Variants in CDC25C observed in about 807,000 individuals in gnomAD.
CDC25C encodes the protein M-phase inducer phosphatase 3.
CDC25C carries 48 observed loss-of-function variants against 52.5 expected under a neutral mutation model. The ratio of observed to expected loss-of-function variants is 0.91; its 90% confidence interval spans 0.72 to 1.16. The LOEUF (loss-of-function observed/expected upper bound fraction) is 1.16. Ranked by LOEUF, CDC25C falls within the 50% of genes most tolerant of loss-of-function variation. CDC25C has a pLI of 0.00. For synonymous variants in CDC25C, 187 were observed against 206.5 expected (o/e 0.91, Z 0.81); for missense variants, 510 against 566.1 (o/e 0.90, Z 1.01).
intron 7 of CDC25C, among the ~76,000 whole-genome samples, chr5:138,298,217 T>C (rs1757359464): frequency 6.6e-6 from 1 of 151,278 alleles, no homozygotes; most frequent in Non-Finnish European, 1.5e-5. Context: ...CCCAGGCTGG[T>C]TGTGAACTCC....
chr5:138,291,898 C>A, intron 8 of CDC25C, 72 bp downstream of exon 8: 2 of 1,297,814 alleles, frequency 1.5e-6, no homozygotes, highest in South Asian at 1.5e-5. Context: ...CATAATAAAA[C>A]AATCCTCATA....
In CDC25C at chr5:138,331,663, G is replaced by A; in HGVS notation, c.-107C>T. The A allele has an allele frequency of 1.0e-6, 1 of 995,454 alleles. No homozygotes were observed. Among genetic ancestry groups the A allele is most frequent in the Non-Finnish European group, 1.2e-6 (1 of 835,208 alleles). The allele number at this position is 995,454 out of a possible 1,614,324, so 61.7% of individuals were successfully genotyped here. ...TAGATAGGGATCGGACACAGGCGAA[G>A]ACTTGAGCAGAATGAAAGGAAATCT... On this transcript the variant is annotated 5_prime_UTR_variant, in exon 1 of 14. Coordinates refer to ENST00000323760, the MANE Select transcript of CDC25C (RefSeq NM_001790.5).
upstream of CDC25C, among the ~76,000 whole-genome samples, chr5:138,335,902 T>TA (rs780820026): frequency 2.0e-5 from 3 of 151,796 alleles, no homozygotes; most frequent in Admixed American, 2.0e-4. Context: ...TAATTAATAA[T>TA]AAAAAGGTGA....
chr5:138,287,799 T>G (rs1028738599), intron 10 of CDC25C, among the ~76,000 whole-genome samples: 26 of 152,306 alleles, frequency 1.7e-4, no homozygotes, highest in African/African-American at 5.3e-4. Flanking sequence ...GTAATCACAC[T>G]TTGACTCAGC....
upstream of CDC25C, among the ~76,000 whole-genome samples, chr5:138,336,276 A>C (rs1460064465): frequency 6.6e-6 from 1 of 151,814 alleles, no homozygotes; most frequent in African/African-American, 2.4e-5. Context: ...GGGATTACAG[A>C]TGGGCGCCAC....
intron 6 of CDC25C, among the ~76,000 whole-genome samples, chr5:138,321,696 G>A (rs1223145714): frequency 1.5e-5 from 2 of 131,658 alleles, no homozygotes; most frequent in South Asian, 2.5e-4. Flanking sequence ...AGGTTGCAGT[G>A]AGCTGAGATC....
chr5:138,338,232 C>T (rs1480252895), exon 1 of CDC25C: 1 of 1,222,380 alleles, frequency 8.2e-7, no homozygotes, highest in East Asian at 5.7e-5. Context: ...GCGCCAGCGC[C>T]TTTTAAGGGC....
chr5:138,315,167 C>T (rs770346235), intron 7 of CDC25C, among the ~76,000 whole-genome samples: 13 of 152,020 alleles, frequency 8.6e-5, no homozygotes, highest in East Asian at 3.9e-4. Context: ...CTCCTGACCA[C>T]CCGCTTCGGC....
Position 138,313,118 on chromosome 5 carries a change from G to A in CDC25C, c.615+6101C>T, listed in dbSNP as rs144687090. On this transcript the variant is annotated intron_variant, in intron 7 of 13. Coordinates refer to ENST00000323760, the MANE Select transcript of CDC25C (RefSeq NM_001790.5). ...GGGGGCCAGGTGCAGTGGCTCACCT[G>A]TAATCTCAGCACTTTGGGAGGCTGA... is the stretch of plus-strand genomic sequence containing the variant. 2.2e-4 allele frequency among the ~76,000 whole-genome samples: 34 copies of A among 152,114 alleles called. No individual in the cohort carries two copies. The East Asian group carries it at 5.8e-3, about 26-fold the overall frequency.
intron 7 of CDC25C, among the ~76,000 whole-genome samples, chr5:138,312,874 A>T (rs1758556098): frequency 6.6e-6 from 1 of 152,122 alleles, no homozygotes; most frequent in South Asian, 2.1e-4. Context: ...GATTTTTTTT[A>T]AAGAGAATGA....
chr5:138,336,272 A>C (rs1760698391), upstream of CDC25C, among the ~76,000 whole-genome samples: 1 of 151,960 alleles, frequency 6.6e-6, no homozygotes, highest in African/African-American at 2.4e-5. Context: ...AGCTGGGATT[A>C]CAGATGGGCG....
chr5:138,292,804 C>G (rs1053899348), intron 7 of CDC25C, among the ~76,000 whole-genome samples: 1 of 152,102 alleles, frequency 6.6e-6, no homozygotes, highest in Non-Finnish European at 1.5e-5. Flanking sequence ...GGTTTGGGTG[C>G]TATATTCAGA....
In CDC25C at chr5:138,319,340, T is replaced by G. The variant is rs1759159061; in HGVS notation, c.494A>C (p.Tyr165Ser). Reference protein sequence around the residue: ...NGNLVDSEMKYLGSPITTVPK... With the variant: ...NGNLVDSEMKSLGSPITTVPK... ...AACAGTAGTAATGGGACTGCCCAAA[T>G]ATTTCATTTCACTGTCCACCAAGTT... Residue 165 changes from tyrosine (Y) to serine (S), a missense_variant, in exon 7 of 14, where the codon TAT becomes TCT. Physicochemically the swap from Tyr to Ser is moderately radical, Grantham distance 144. Coordinates refer to ENST00000323760, the MANE Select transcript of CDC25C (RefSeq NM_001790.5). The G allele has an allele frequency of 2.5e-6, 4 of 1,613,506 alleles. No homozygotes were observed. The highest frequency in any genetic ancestry group is 1.7e-4 in the Middle Eastern group (1 of 6,058).
chr5:138,321,750 CAAAAAAAAAAAA>C (rs531353746), intron 6 of CDC25C, among the ~76,000 whole-genome samples: 12 of 47,192 alleles, frequency 2.5e-4, no homozygotes, highest in African/African-American at 1.6e-3. Flanking sequence ...GACTCTGTCT[CAAAAAAAAAAAA>C]AAAAAAAAAA....
At chr5:138,324,062 G>A (rs1248735958) in intron 6 of CDC25C, among the ~76,000 whole-genome samples, 1 of 150,610 alleles carries the variant, frequency 6.6e-6, no homozygotes, top group Non-Finnish European at 1.5e-5. Context: ...CCTGAGCTCA[G>A]AAGTTCAAGA....
intron 7 of CDC25C, among the ~76,000 whole-genome samples, chr5:138,310,650 A>T (rs1292754817): frequency 1.3e-5 from 2 of 152,200 alleles, no homozygotes; most frequent in Non-Finnish European, 2.9e-5. Flanking sequence ...ACAACAACCC[A>T]AGAAATTGAA....
At chr5:138,317,838 C>G (rs1759021162) in intron 7 of CDC25C, among the ~76,000 whole-genome samples, 1 of 152,218 alleles carries the variant, frequency 6.6e-6, no homozygotes, top group Admixed American at 6.5e-5. Flanking sequence ...AAACAAAAGA[C>G]TGTATTATAA....
chr5:138,335,789 TTTTTGTTTTG>T (rs781771222), upstream of CDC25C, among the ~76,000 whole-genome samples: 1 of 151,776 alleles, frequency 6.6e-6, no homozygotes, highest in Non-Finnish European at 1.5e-5. Flanking sequence ...TGTTTTGTTT[TTTTTGTTTTG>T]TTTTGGGTCT....
intron 7 of CDC25C, among the ~76,000 whole-genome samples, chr5:138,318,654 G>T (rs539682651): frequency 6.6e-6 from 1 of 152,000 alleles, no homozygotes; most frequent in Non-Finnish European, 1.5e-5. Flanking sequence ...AGAGGAGGTC[G>T]CAGTGAGCCA....
Sources: gnomAD v4.1 joint callset for allele counts (sites outside exome capture counted in the v4.1 genomes callset) on GRCh38, gnomAD v4.1.1 for gene constraint, MANE v1.5 for transcripts, NCBI Gene and HGNC (gene_info 2026-07-23, HGNC 2026-07-21) for gene names.